The following AMOTL1 variants were observed in gnomAD, a reference collection of about 807,000 sequenced individuals.
AMOTL1 encodes angiomotin like 1.
AMOTL1 carries 45 observed loss-of-function variants against 102.9 expected under a neutral mutation model. The observed-to-expected ratio is 0.44, with a 90% CI of 0.34 to 0.56. The LOEUF (loss-of-function observed/expected upper bound fraction) is 0.56. AMOTL1 is among the 20% of genes least tolerant of loss of function. The probability of loss-of-function intolerance (pLI) is 0.01; values close to 1 mark genes in which losing one functional copy is unlikely to be tolerated. For synonymous variants in AMOTL1, 481 were observed against 484.7 expected (o/e 0.99, Z 0.10); for missense variants, 1,114 against 1,225.6 (o/e 0.91, Z 1.36).
At chr11:94,781,140 C>G (rs1195729980) in intron 1 of AMOTL1, among the ~76,000 whole-genome samples, 1 of 151,942 alleles carries the variant, frequency 6.6e-6, no homozygotes, top group Non-Finnish European at 1.5e-5. Context: ...GTGAAATAAT[C>G]ATTGTTGGCT....
chr11:94,841,710 A>G (rs1380944694), intron 6 of AMOTL1, among the ~76,000 whole-genome samples: 1 of 152,206 alleles, frequency 6.6e-6, no homozygotes, highest in Admixed American at 6.5e-5. Flanking sequence ...TGAACAGTAC[A>G]TTTGGAAGCT....
In AMOTL1 at chr11:94,709,013, A is replaced by G. The variant is rs1184330589; in HGVS notation, c.-51+2416A>G. Among the ~76,000 whole-genome samples, 5 of 152,150 alleles carry G rather than the reference A, an allele frequency of 3.3e-5. No individual in the cohort carries two copies. In the East Asian group the frequency reaches 7.7e-4, roughly 23 times the overall value. On this transcript the variant is annotated intron_variant, in intron 1 of 4. Coordinates refer to the AMOTL1 transcript ENST00000299004. ...GGTTGAAGTAAAAGTTTCTAAAAGG[A>G]CTTGTGCATTTAGAGTGGCTTAAGG...
At chr11:94,866,331 G>A (rs1952882583) in intron 11 of AMOTL1, 163 bp downstream of exon 11, 1 of 684,794 alleles carries the variant, frequency 1.5e-6, no homozygotes, top group Admixed American at 2.8e-5. Flanking sequence ...TAGATATGTG[G>A]AAGCATTGTG....
chr11:94,859,880 A>T (rs760958159), intron 9 of AMOTL1, among the ~76,000 whole-genome samples, 165 bp downstream of exon 9: 4 of 152,298 alleles, frequency 2.6e-5, no homozygotes, highest in Middle Eastern at 3.4e-3. Flanking sequence ...GTGGTATAAC[A>T]TTTCTAGAGG....
Position 94,809,902 on chromosome 11 carries a change from A to G in AMOTL1, c.1121+9591A>G, listed in dbSNP as rs545138399. On this transcript the variant is annotated intron_variant, in intron 3 of 12. Coordinates refer to ENST00000433060, the MANE Select transcript of AMOTL1 (RefSeq NM_130847.3). ...TTTAAGCACTTTTTCCTTTAAGCCAATTAATTAGAGCTTTTATGTATTTTT... is the reference window on the plus strand; with the variant it reads ...TTTAAGCACTTTTTCCTTTAAGCCAGTTAATTAGAGCTTTTATGTATTTTT... Among the ~76,000 whole-genome samples, 49 of 152,308 alleles carry G rather than the reference A, an allele frequency of 3.2e-4. No individual in the cohort carries two copies. The East Asian group carries it at 9.4e-3, about 29-fold the overall frequency.
chr11:94,710,100 T>A (rs889588741), intron 1 of AMOTL1, among the ~76,000 whole-genome samples: 3 of 152,182 alleles, frequency 2.0e-5, no homozygotes, highest in African/African-American at 7.2e-5. Flanking sequence ...CCAACTCTCC[T>A]CATACAAGGC....
Position 94,874,030 on chromosome 11 carries a change from G to C in AMOTL1, c.*3235G>C, listed in dbSNP as rs1209792894. 2 of 152,196 alleles carry C rather than the reference G, an allele frequency of 1.3e-5. No homozygotes were observed. The highest frequency in any genetic ancestry group is 2.9e-5 in the Non-Finnish European group (2 of 68,034). 9.4% of individuals were successfully genotyped at this position (152,196 alleles called of 1,614,324 possible). On this transcript the variant is annotated 3_prime_UTR_variant, in exon 13 of 13. Coordinates refer to ENST00000433060, the MANE Select transcript of AMOTL1 (RefSeq NM_130847.3). ...CTTGAGGGTCCTATCTCAGGATGAAGGGGAGAGGCCCTGGCTTCACGGGAA... is the reference window on the plus strand; with the variant it reads ...CTTGAGGGTCCTATCTCAGGATGAACGGGAGAGGCCCTGGCTTCACGGGAA...
intron 6 of AMOTL1, 131 bp from the exon 7 acceptor site, chr11:94,849,983 G>T: frequency 8.6e-7 from 1 of 1,163,194 alleles, no homozygotes; most frequent in Non-Finnish European, 1.2e-6. Context: ...AAAGGGAGCA[G>T]AAACAGCAAT....
intron 1 of AMOTL1, among the ~76,000 whole-genome samples, chr11:94,723,729 T>C (rs1485901069): frequency 1.3e-5 from 2 of 152,220 alleles, no homozygotes; most frequent in East Asian, 1.9e-4. Flanking sequence ...TCTATCCCTC[T>C]AGCATTTCAT....
intron 2 of AMOTL1, among the ~76,000 whole-genome samples, chr11:94,739,704 C>T (rs1188499666): frequency 1.3e-5 from 2 of 152,174 alleles, no homozygotes; most frequent in Admixed American, 1.3e-4. Context: ...CTTGTTCCTT[C>T]CTTCCCACTG....
At chr11:94,741,289 C>G (rs758815560) in intron 3 of AMOTL1, among the ~76,000 whole-genome samples, 4 of 151,994 alleles carry the variant, frequency 2.6e-5, no homozygotes, top group Non-Finnish European at 5.9e-5. Flanking sequence ...TGGTGCTGCT[C>G]CGAGGAGCCT....
At chr11:94,822,282 T>C (rs1443916434) in intron 4 of AMOTL1, among the ~76,000 whole-genome samples, 3 of 152,110 alleles carry the variant, frequency 2.0e-5, no homozygotes, top group Non-Finnish European at 4.4e-5. Flanking sequence ...ACCCTGTCTC[T>C]ACAAAAATTA....
chr11:94,848,933 G>A (rs550570079), intron 6 of AMOTL1, among the ~76,000 whole-genome samples: 4 of 152,298 alleles, frequency 2.6e-5, no homozygotes, highest in Non-Finnish European at 5.9e-5. Context: ...TGCAAACACT[G>A]TTAACCACTG....
intron 3 of AMOTL1, among the ~76,000 whole-genome samples, chr11:94,804,968 A>T (rs1951544426): frequency 6.6e-6 from 1 of 152,200 alleles, no homozygotes; most frequent in African/African-American, 2.4e-5. Flanking sequence ...TATTATCACA[A>T]TTTTTACATA....
chr11:94,841,009 A>G (rs1952291120), intron 6 of AMOTL1, among the ~76,000 whole-genome samples: 1 of 152,026 alleles, frequency 6.6e-6, no homozygotes, highest in Non-Finnish European at 1.5e-5. Context: ...TTCTGTTCAC[A>G]TTTTAACACC....
At chr11:94,786,118 C>G (rs893671943) in intron 1 of AMOTL1, among the ~76,000 whole-genome samples, 1 of 152,068 alleles carries the variant, frequency 6.6e-6, no homozygotes, top group Non-Finnish European at 1.5e-5. Flanking sequence ...GGAAAAGAAT[C>G]TCGAGTTCAG....
intron 1 of AMOTL1, among the ~76,000 whole-genome samples, chr11:94,716,422 C>G (rs1226170020): frequency 6.6e-6 from 1 of 152,058 alleles, no homozygotes; most frequent in Non-Finnish European, 1.5e-5. Context: ...TCCACTTGTA[C>G]CCTGGACATT....
chr11:94,792,338 G>A (rs1369643008), intron 1 of AMOTL1, among the ~76,000 whole-genome samples: 1 of 152,186 alleles, frequency 6.6e-6, no homozygotes, highest in East Asian at 1.9e-4. Flanking sequence ...GACTGGGGGA[G>A]GGATAGCATT....
upstream of AMOTL1, among the ~76,000 whole-genome samples, chr11:94,763,520 T>C (rs1950820208): frequency 6.6e-6 from 1 of 152,148 alleles, no homozygotes. Context: ...CCTCACACAG[T>C]TGAAAATCCA....
Sources: gnomAD v4.1 joint callset for allele counts (sites outside exome capture counted in the v4.1 genomes callset) on GRCh38, gnomAD v4.1.1 for gene constraint, MANE v1.5 for transcripts, NCBI Gene and HGNC (gene_info 2026-07-23, HGNC 2026-07-21) for gene names.